The following IQSEC3 variants were observed in gnomAD, a reference collection of about 807,000 sequenced individuals.
IQSEC3 encodes IQ motif and SEC7 domain-containing protein 3.
In IQSEC3, 50 loss-of-function variants were observed where a neutral mutation model predicts 105.4. That is an observed-to-expected ratio of 0.47 (90% CI 0.38 to 0.60). The LOEUF (loss-of-function observed/expected upper bound fraction) is 0.60. Ranked by LOEUF, IQSEC3 falls within the 20% of genes least tolerant of loss-of-function variation. IQSEC3 has a pLI of 0.00. For synonymous variants in IQSEC3, 708 were observed against 746.0 expected (o/e 0.95, Z 0.83); for missense variants, 1,415 against 1,630.0 (o/e 0.87, Z 2.27).
chr12:66,809 T>C lies in IQSEC3; in HGVS notation c.-74T>C. On this transcript the variant is annotated 5_prime_UTR_variant, in exon 1 of 14. Coordinates refer to ENST00000538872, the MANE Select transcript of IQSEC3 (RefSeq NM_001170738.2). ...GAGGGAGGCGAGCCGACCGCTGGGC[T>C]GCTGGGCTCCCGCGCCCTCGCGCTC... 7.7e-7 allele frequency: 1 copy of C among 1,300,584 alleles called. No homozygotes were observed. Among genetic ancestry groups the C allele is most frequent in the Non-Finnish European group, 9.7e-7 (1 of 1,025,806 alleles). The allele number at this position is 1,300,584 out of a possible 1,614,324, so 80.6% of individuals were successfully genotyped here.
At chr12:120,243 C>T (rs1316923232) in intron 2 of IQSEC3, among the ~76,000 whole-genome samples, 3 of 152,098 alleles carry the variant, frequency 2.0e-5, no homozygotes, top group African/African-American at 4.8e-5. Flanking sequence ...GTGAGCGATT[C>T]CTGAAAGAGG....
At chr12:88,008 G>A (rs1863971646) in intron 1 of IQSEC3, among the ~76,000 whole-genome samples, 1 of 152,214 alleles carries the variant, frequency 6.6e-6, no homozygotes, top group African/African-American at 2.4e-5. Context: ...GCCCTTGCAG[G>A]GAGGGGCACG....
In IQSEC3 at chr12:165,829, C is replaced by T. The variant is rs373053650; in HGVS notation, c.2910C>T (p.Phe970=). 23 of 1,613,958 alleles carry T rather than the reference C, an allele frequency of 1.4e-5. No homozygotes were observed. The highest frequency in any genetic ancestry group is 1.0e-4 in the Admixed American group (6 of 60,010). The change falls in exon 11 of 14, where the codon TTC becomes TTT. Residue 970 remains phenylalanine (F), a synonymous_variant. Coordinates refer to ENST00000538872, the MANE Select transcript of IQSEC3 (RefSeq NM_001170738.2). ...CALGSDEMQK[F]VEDLKESIAE... ...TGGGCTCGGACGAGATGCAGAAGTT[C>T]GTGGAGGACCTGAAGGAGTCCATTG... is the stretch of plus-strand genomic sequence containing the variant.
intron 5 of IQSEC3, among the ~76,000 whole-genome samples, chr12:145,844 G>A (rs1866242593): frequency 6.6e-6 from 1 of 152,252 alleles, no homozygotes; most frequent in African/African-American, 2.4e-5. Flanking sequence ...TGCTGGCTGT[G>A]AGCGGCCTCT....
intron 6 of IQSEC3, 120 bp downstream of exon 6, chr12:157,267 C>T (rs1344056196): frequency 7.4e-7 from 1 of 1,358,942 alleles, no homozygotes; most frequent in African/African-American, 1.5e-5. Flanking sequence ...AGAAACACCC[C>T]TTCTGGTGTG....
Position 138,981 on chromosome 12 carries a change from G to GC in IQSEC3, c.1623dup (p.Ala542ArgfsTer19). 1 of 1,535,698 alleles carries GC rather than the reference G, an allele frequency of 6.5e-7. No individual in the cohort carries two copies. The highest frequency in any genetic ancestry group is 8.8e-7 in the Non-Finnish European group (1 of 1,141,576). ...GACCTCTGGGCGGGAGGCCCCGGAAGCCCCCGCCGTGGGCCGGGAGGACGC... is the reference window on the plus strand; with the variant it reads ...GACCTCTGGGCGGGAGGCCCCGGAAGCCCCCCGCCGTGGGCCGGGAGGACGC... On this transcript the variant is annotated frameshift_variant, in exon 4 of 14. Transcript: ENST00000538872. LOFTEE classifies it high-confidence loss of function. The surrounding 1 kb of genome is among the most constrained non-coding windows in gnomAD (Gnocchi z 7.1).
intron 12 of IQSEC3, among the ~76,000 whole-genome samples, chr12:169,977 C>T (rs952227886): frequency 4.6e-5 from 7 of 152,202 alleles, no homozygotes; most frequent in African/African-American, 1.7e-4. Flanking sequence ...TGAGAAGCTC[C>T]AGTGGGCCCC....
intron 1 of IQSEC3, among the ~76,000 whole-genome samples, chr12:78,244 G>A (rs1192483117): frequency 7.0e-6 from 1 of 143,686 alleles, no homozygotes; most frequent in African/African-American, 2.5e-5. Context: ...TCGGCGCTGC[G>A]GCACCGCCCG....
chr12:80,311 T>A (rs1243248517), intron 1 of IQSEC3, among the ~76,000 whole-genome samples: 2 of 152,204 alleles, frequency 1.3e-5, no homozygotes, highest in African/African-American at 4.8e-5. Flanking sequence ...TGTCAGCAGT[T>A]ATCAAGTTTG....
At chr12:90,080 C>A (rs551739666) in intron 1 of IQSEC3, among the ~76,000 whole-genome samples, 1 of 152,230 alleles carries the variant, frequency 6.6e-6, no homozygotes, top group Non-Finnish European at 1.5e-5. Flanking sequence ...TGTCAACACT[C>A]GGTTTTGTCA....
chr12:136,691 C>T (rs529585150), intron 3 of IQSEC3, among the ~76,000 whole-genome samples: 5 of 152,268 alleles, frequency 3.3e-5, no homozygotes, highest in African/African-American at 9.6e-5. Flanking sequence ...TTCGTTCATT[C>T]GGGAAGGACA....
intron 1 of IQSEC3, among the ~76,000 whole-genome samples, chr12:70,467 C>A (rs1863270383): frequency 6.6e-6 from 1 of 152,264 alleles, no homozygotes; most frequent in Non-Finnish European, 1.5e-5. Context: ...AATTATTTCT[C>A]TGCATGCTTC....
intron 2 of IQSEC3, among the ~76,000 whole-genome samples, chr12:101,826 T>C (rs956301551): frequency 6.6e-6 from 1 of 152,162 alleles, no homozygotes; most frequent in Non-Finnish European, 1.5e-5. Flanking sequence ...AATTCTATGC[T>C]AAGATAAGTT....
At chr12:121,489 T>C (rs1865216320) in intron 2 of IQSEC3, among the ~76,000 whole-genome samples, 1 of 152,230 alleles carries the variant, frequency 6.6e-6, no homozygotes, top group Non-Finnish European at 1.5e-5. Context: ...CACTGACAAA[T>C]GCCCACCCAG....
At chr12:125,535 G>C in intron 2 of IQSEC3, 98 bp from the exon 3 acceptor site, 1 of 1,253,774 alleles carries the variant, frequency 8.0e-7, no homozygotes, top group Non-Finnish European at 1.0e-6. Flanking sequence ...CCACAGGAAA[G>C]GCAGGCCAGA....
At chr12:150,463 G>C (rs1428599939) in intron 5 of IQSEC3, among the ~76,000 whole-genome samples, 1 of 152,222 alleles carries the variant, frequency 6.6e-6, no homozygotes, top group African/African-American at 2.4e-5. Flanking sequence ...TGGTTGTTGA[G>C]AGGGGGATAG....
At chr12:165,407 G>A (rs782007545) in intron 9 of IQSEC3, 27 bp from the exon 10 acceptor site, 30 of 1,571,574 alleles carry the variant, frequency 1.9e-5, no homozygotes, top group Admixed American at 1.0e-4. Flanking sequence ...GTTCATCAGG[G>A]CATGCCTGTT....
intron 3 of IQSEC3, among the ~76,000 whole-genome samples, chr12:126,544 GGTGTGTGTGTGTGT>G (rs56871643): frequency 6.9e-6 from 1 of 145,732 alleles, no homozygotes; most frequent in Non-Finnish European, 1.5e-5. Flanking sequence ...CTTGATGGAA[GGTGTGTGTGTGTGT>G]GTGTGTGTGT....
chr12:93,817 G>A lies in IQSEC3; in HGVS notation c.555-5329G>A, dbSNP rs115002333. 8.2e-3 allele frequency among the ~76,000 whole-genome samples: 1,247 copies of A among 152,176 alleles called. 22 individuals are homozygous for A. The highest frequency in any genetic ancestry group is 0.029 in the African/African-American group (1,190 of 41,502). On this transcript the variant is annotated intron_variant, in intron 1 of 13. Coordinates refer to ENST00000538872, the MANE Select transcript of IQSEC3 (RefSeq NM_001170738.2). ...TTAACACCCTCTCTGGGGAGTTGGG[G>A]GTGAGTGACTTCTCACTCTGTTAGT...
Sources: gnomAD v4.1 joint callset for allele counts (sites outside exome capture counted in the v4.1 genomes callset) on GRCh38, gnomAD v4.1.1 for gene constraint, Gnocchi (gnomAD v3.1) non-coding constraint, MANE v1.5 for transcripts, NCBI Gene and HGNC (gene_info 2026-07-23, HGNC 2026-07-21) for gene names.